The following SLC39A11 variants were observed in gnomAD, a reference collection of about 807,000 sequenced individuals.
SLC39A11 encodes zinc transporter ZIP11.
Under a neutral mutation model 36.1 loss-of-function variants are expected in SLC39A11, and 33 were observed. The observed-to-expected ratio is 0.91, with a 90% confidence interval of 0.69 to 1.22. SLC39A11 has a LOEUF of 1.22. Ranked by LOEUF, SLC39A11 falls within the 50% of genes most tolerant of loss-of-function variation. The pLI is 0.00. For synonymous variants in SLC39A11, 166 were observed against 170.3 expected (o/e 0.97, Z 0.20); for missense variants, 432 against 430.3 (o/e 1.00, Z -0.03).
rs374832995 is a variant in SLC39A11, at chr17:73,045,386, TAAAAAAAAAAAAA to T, written c.148-13685_148-13673del. Reference sequence around the variant, plus strand: ...ACCTCCAGTGCCATGAAAACAGAGTTAAAAAAAAAAAAAAAAAAAAAAAAAAGCCTCCATGCCC... The same window carrying T: ...ACCTCCAGTGCCATGAAAACAGAGTTAAAAAAAAAAAAAGCCTCCATGCCC... On this transcript the variant is annotated intron_variant, in intron 3 of 9. Transcript: ENST00000255559. 2.6e-4 allele frequency among the ~76,000 whole-genome samples: 11 copies of T among 41,726 alleles called. No individual in the cohort carries two copies. In the East Asian group the frequency reaches 5.1e-3, roughly 20 times the overall value. 27.4% of individuals were successfully genotyped at this position (41,726 alleles called of 152,430 possible).
intron 4 of SLC39A11, among the ~76,000 whole-genome samples, chr17:72,979,867 C>T (rs2088168695): frequency 6.6e-6 from 1 of 152,112 alleles, no homozygotes; most frequent in South Asian, 2.1e-4. Context: ...CCATAACCTG[C>T]TCCCCAAAGC....
At chr17:72,959,271 G>A (rs2086442322) in intron 4 of SLC39A11, among the ~76,000 whole-genome samples, 1 of 144,540 alleles carries the variant, frequency 6.9e-6, no homozygotes, top group Non-Finnish European at 1.5e-5. Flanking sequence ...CAACCCAAAT[G>A]CCCATCAGTC....
intron 5 of SLC39A11, among the ~76,000 whole-genome samples, chr17:72,896,550 C>A (rs12453980): frequency 0.46 from 70,250 of 151,826 alleles, 16,708 homozygotes; most frequent in East Asian, 0.72. Flanking sequence ...TGCTGTACCC[C>A]AACAGCGTAC....
At chr17:72,937,970 G>T (rs566750005) in intron 5 of SLC39A11, among the ~76,000 whole-genome samples, 2 of 152,232 alleles carry the variant, frequency 1.3e-5, no homozygotes, top group African/African-American at 4.8e-5. Flanking sequence ...GAAGTTGGCA[G>T]ACAGAGAGAG....
At chr17:72,726,505 T>C (rs957184528) in intron 7 of SLC39A11, among the ~76,000 whole-genome samples, 1 of 152,070 alleles carries the variant, frequency 6.6e-6, no homozygotes, top group Non-Finnish European at 1.5e-5. Flanking sequence ...AACAAGATCC[T>C]GTCTACACAC....
intron 7 of SLC39A11, among the ~76,000 whole-genome samples, chr17:72,693,330 T>C (rs1233176653): frequency 6.6e-6 from 1 of 151,338 alleles, no homozygotes; most frequent in Non-Finnish European, 1.5e-5. Context: ...AAGCTCACGG[T>C]CTGGGAAACT....
At chr17:72,861,782 A>C (rs8077640) in intron 5 of SLC39A11, among the ~76,000 whole-genome samples, 19,615 of 91,334 alleles carry the variant, frequency 0.21, 2,955 homozygotes, top group African/African-American at 0.43. Context: ...ATATATATAT[A>C]TCCAATGCTA....
intron 7 of SLC39A11, chr17:72,663,685 C>T (rs2070587426): frequency 6.6e-6 from 1 of 152,154 alleles, no homozygotes; most frequent in Admixed American, 6.5e-5. Flanking sequence ...TGTGGACAGT[C>T]TCCTTAGATC....
At chr17:72,875,884 G>A (rs1164040655) in intron 5 of SLC39A11, among the ~76,000 whole-genome samples, 1 of 152,138 alleles carries the variant, frequency 6.6e-6, no homozygotes, top group Admixed American at 6.5e-5. Flanking sequence ...TGTCCACCCA[G>A]TGTGCCATAT....
chr17:73,024,747 G>C (rs1156613858), intron 4 of SLC39A11, among the ~76,000 whole-genome samples: 1 of 152,020 alleles, frequency 6.6e-6, no homozygotes, highest in Non-Finnish European at 1.5e-5. Flanking sequence ...ACCCAGGCTG[G>C]AGTGCAGCAG....
chr17:72,875,406 C>T (rs1186549089), intron 5 of SLC39A11, among the ~76,000 whole-genome samples: 1 of 152,198 alleles, frequency 6.6e-6, no homozygotes, highest in African/African-American at 2.4e-5. Flanking sequence ...TTTCTGAACA[C>T]AGCTGTTACC....
At chr17:72,890,221 C>T (rs542892044) in intron 5 of SLC39A11, among the ~76,000 whole-genome samples, 17 of 151,254 alleles carry the variant, frequency 1.1e-4, no homozygotes, top group African/African-American at 2.9e-4. Flanking sequence ...GCCGAGATAG[C>T]GCCACTGCAC....
At chr17:73,043,331 T>C (rs1356729657) in intron 3 of SLC39A11, among the ~76,000 whole-genome samples, 3 of 152,114 alleles carry the variant, frequency 2.0e-5, no homozygotes, top group African/African-American at 7.2e-5. Flanking sequence ...GGTATAATGA[T>C]GAAACCAGGC....
intron 6 of SLC39A11, among the ~76,000 whole-genome samples, chr17:72,783,093 C>G (rs1163282522): frequency 2.0e-5 from 3 of 149,770 alleles, no homozygotes; most frequent in African/African-American, 7.4e-5. Context: ...GCAGATGATT[C>G]TCACCAGAAA....
intron 6 of SLC39A11, among the ~76,000 whole-genome samples, chr17:72,783,353 G>A (rs1405402157): frequency 6.6e-6 from 1 of 152,236 alleles, no homozygotes; most frequent in African/African-American, 2.4e-5. Context: ...CAGAGTCAGG[G>A]CTGTGCTGGA....
chr17:73,055,606 T>C (rs1000416575), intron 3 of SLC39A11, among the ~76,000 whole-genome samples: 2 of 151,352 alleles, frequency 1.3e-5, no homozygotes, highest in African/African-American at 4.9e-5. Context: ...ATAATTTGTG[T>C]ATGTAGAAAT....
intron 5 of SLC39A11, among the ~76,000 whole-genome samples, chr17:72,915,471 G>A (rs912207629): frequency 7.2e-5 from 11 of 152,312 alleles, no homozygotes; most frequent in African/African-American, 2.2e-4. Context: ...CCTGTGGCCT[G>A]TGTGGTACAA....
chr17:72,950,033 TAAGA>T (rs1170626224), intron 4 of SLC39A11, among the ~76,000 whole-genome samples: 1 of 151,202 alleles, frequency 6.6e-6, no homozygotes, highest in Non-Finnish European at 1.5e-5. Flanking sequence ...TGATGAGAGT[TAAGA>T]AAGAGAACCT....
At chr17:72,692,203 G>A (rs1416887443) in intron 7 of SLC39A11, among the ~76,000 whole-genome samples, 1 of 151,786 alleles carries the variant, frequency 6.6e-6, no homozygotes, top group Non-Finnish European at 1.5e-5. Flanking sequence ...AGTAGAGACA[G>A]GGTTTCACCA....
Sources: gnomAD v4.1 joint callset for allele counts (sites outside exome capture counted in the v4.1 genomes callset) on GRCh38, gnomAD v4.1.1 for gene constraint, MANE v1.5 for transcripts, NCBI Gene and HGNC (gene_info 2026-07-23, HGNC 2026-07-21) for gene names.